DACH2: variants seen among roughly 807,000 people sequenced by gnomAD.
DACH2 encodes the protein dachshund homolog 2.
A neutral mutation model predicts 35.8 loss-of-function variants in DACH2; 17 were observed. The ratio of observed to expected loss-of-function variants is 0.48; its 90% CI spans 0.33 to 0.71. The LOEUF is 0.71. DACH2 is among the 30% of genes least tolerant of loss of function. The probability of loss-of-function intolerance (pLI) is 0.02; values close to 1 mark genes in which losing one functional copy is unlikely to be tolerated. For synonymous variants in DACH2, 195 were observed against 177.3 expected (o/e 1.10, Z -0.79); for missense variants, 469 against 472.7 (o/e 0.99, Z 0.07).
chrX:86,311,284 G>A (rs2034793816), intron 1 of DACH2, among the ~76,000 whole-genome samples: 1 of 112,007 alleles, frequency 8.9e-6, no homozygotes, highest in African/African-American at 3.2e-5. Context: ...ATTCCACACA[G>A]CATTGCCTCT....
intron 7 of DACH2, among the ~76,000 whole-genome samples, chrX:86,752,168 C>A (rs2041780422): frequency 9.0e-6 from 1 of 111,372 alleles, no homozygotes; most frequent in Non-Finnish European, 1.9e-5. Context: ...ATGATTTACT[C>A]ATGTAACAAA....
chrX:86,432,800 A>G (rs1474222478), intron 2 of DACH2, among the ~76,000 whole-genome samples: 1 of 112,391 alleles, frequency 8.9e-6, no homozygotes, highest in Non-Finnish European at 1.9e-5. Context: ...ACACTTGCAT[A>G]GGCAGATGAG....
chrX:86,548,544 T>C (rs2039005941), intron 3 of DACH2, among the ~76,000 whole-genome samples: 1 of 111,923 alleles, frequency 8.9e-6, no homozygotes. Flanking sequence ...TACTTTTGAA[T>C]TTCTGGCTCA....
chrX:86,316,706 C>T (rs1267761636), intron 1 of DACH2, among the ~76,000 whole-genome samples: 1 of 111,126 alleles, frequency 9.0e-6, no homozygotes. Context: ...CTCCTGAGGT[C>T]GATCTCAGTG....
At position 86,723,313 on chromosome X, in the gene DACH2, C is replaced by T. The variant is rs186528198; in HGVS notation, c.1104+8593C>T. Among the ~76,000 whole-genome samples, 18 of 99,444 alleles carry T rather than the reference C, an allele frequency of 1.8e-4. No homozygotes were observed. In the East Asian group the frequency reaches 1.9e-3, roughly 10 times the overall value. 86.4% of individuals were successfully genotyped at this position (99,444 alleles called of 115,157 possible). A position where few individuals can be genotyped will look rare whatever the true frequency, so the allele number is the denominator to read the frequency against. On this transcript the variant is annotated intron_variant, in intron 6 of 11. Coordinates refer to ENST00000373125, the MANE Select transcript of DACH2 (RefSeq NM_053281.3). ...TTATTTATTTCATTTAGTTCTGCTC[C>T]GATATTTATTCCTTCTGCTAATTTT... is the stretch of plus-strand genomic sequence containing the variant.
chrX:86,340,815 T>C (rs1347458215), intron 1 of DACH2, among the ~76,000 whole-genome samples: 1 of 112,076 alleles, frequency 8.9e-6, no homozygotes, highest in Non-Finnish European at 1.9e-5. Flanking sequence ...GAAGAAAGTT[T>C]GAGTGGTCTG....
intron 1 of DACH2, among the ~76,000 whole-genome samples, chrX:86,206,263 G>T (rs1334783766): frequency 9.6e-6 from 1 of 103,907 alleles, no homozygotes; most frequent in Non-Finnish European, 1.9e-5. Flanking sequence ...ATTTTCACTG[G>T]GGCATAGTCC....
intron 5 of DACH2, among the ~76,000 whole-genome samples, chrX:86,707,771 T>C (rs757760550): frequency 4.3e-4 from 46 of 107,745 alleles, no homozygotes; most frequent in African/African-American, 1.4e-3. Context: ...AAAAATTAGC[T>C]GTGTGTGGTG....
At chrX:86,462,393 G>T (rs912521867) in intron 2 of DACH2, among the ~76,000 whole-genome samples, 1 of 111,552 alleles carries the variant, frequency 9.0e-6, no homozygotes, top group Non-Finnish European at 1.9e-5. Flanking sequence ...GAAATTAATA[G>T]TAGATAATAA....
At chrX:86,443,164 T>C (rs1243204576) in intron 2 of DACH2, among the ~76,000 whole-genome samples, 1 of 111,980 alleles carries the variant, frequency 8.9e-6, no homozygotes, top group Non-Finnish European at 1.9e-5. Flanking sequence ...TTGACGTTTT[T>C]ACAATATTAA....
At chrX:86,172,094 T>C (rs1474439185) in intron 1 of DACH2, among the ~76,000 whole-genome samples, 1 of 112,321 alleles carries the variant, frequency 8.9e-6, no homozygotes, top group Non-Finnish European at 1.9e-5. Flanking sequence ...TTGTTACTTT[T>C]GTAATTAAGT....
Position 86,702,317 on chromosome X carries a change from G to A in DACH2, c.931+7138G>A, listed in dbSNP as rs57909138. ...GTTTATGGTGCTAGATGCCTACATT[G>A]AAAAGTCTGAAAGGTCACAAATTAA... On this transcript the variant is annotated intron_variant, in intron 5 of 11. Transcript: ENST00000373125. 6.1e-3 allele frequency among the ~76,000 whole-genome samples: 681 copies of A among 110,911 alleles called. 7 individuals are homozygous for A. Among genetic ancestry groups the A allele is most frequent in the African/African-American group, 0.021 (646 of 30,520 alleles).
chrX:86,159,492 G>A (rs766882253), intron 1 of DACH2, among the ~76,000 whole-genome samples: 2 of 111,308 alleles, frequency 1.8e-5, no homozygotes, highest in South Asian at 7.5e-4. Flanking sequence ...ATGCAAAAGG[G>A]GAATTTGTTC....
At chrX:86,233,534 G>A (rs2032994341) in intron 1 of DACH2, among the ~76,000 whole-genome samples, 1 of 111,605 alleles carries the variant, frequency 9.0e-6, no homozygotes, top group Admixed American at 9.5e-5. Context: ...CCCAACTTAC[G>A]GCAAGAGTTA....
intron 1 of DACH2, among the ~76,000 whole-genome samples, chrX:86,373,210 AAT>A (rs2035915959): frequency 9.0e-6 from 1 of 110,794 alleles, no homozygotes; most frequent in South Asian, 3.8e-4. Context: ...TGCTGGGTCA[AAT>A]GGTAGTTCTT....
At chrX:86,681,323 C>A (rs2148433024) in intron 4 of DACH2, among the ~76,000 whole-genome samples, 1 of 111,231 alleles carries the variant, frequency 9.0e-6, no homozygotes, top group South Asian at 3.8e-4. Context: ...GTTTTCTCGG[C>A]CAGCTGCAGT....
chrX:86,331,854 GTGA>G (rs1291917187), intron 1 of DACH2, among the ~76,000 whole-genome samples: 1 of 111,369 alleles, frequency 9.0e-6, no homozygotes, highest in Non-Finnish European at 1.9e-5. Context: ...GCTCATGCTA[GTGA>G]TGATACATGT....
At chrX:86,486,333 T>C (rs1233466949) in intron 2 of DACH2, among the ~76,000 whole-genome samples, 1 of 111,747 alleles carries the variant, frequency 8.9e-6, no homozygotes, top group Non-Finnish European at 1.9e-5. Flanking sequence ...TATCACAGTA[T>C]TTTTTTGTTT....
intron 1 of DACH2, among the ~76,000 whole-genome samples, chrX:86,376,284 A>G (rs1411299892): frequency 9.2e-6 from 1 of 109,236 alleles, no homozygotes; most frequent in Non-Finnish European, 1.9e-5. Flanking sequence ...CTCCATGTTT[A>G]GGAAATAAGC....
Sources: allele counts gnomAD v4.1 joint callset (sites outside exome capture counted in the v4.1 genomes callset), GRCh38; gene constraint gnomAD v4.1.1; transcripts MANE v1.5; gene names NCBI Gene and HGNC (gene_info 2026-07-23, HGNC 2026-07-21).